Variants in EFEMP1 observed in about 807,000 individuals in gnomAD.
EFEMP1 encodes EGF-containing fibulin-like extracellular matrix protein 1.
EFEMP1 carries 18 observed loss-of-function variants against 65.7 expected under a neutral mutation model. The ratio of observed to expected loss-of-function variants is 0.27; its 90% CI spans 0.19 to 0.41. The LOEUF (loss-of-function observed/expected upper bound fraction) is 0.41, where lower values mean the gene tolerates loss of function less well. Ranked by LOEUF, EFEMP1 falls within the 10% of genes least tolerant of loss-of-function variation. EFEMP1 has a pLI of 1.00. For synonymous variants in EFEMP1, 237 were observed against 219.7 expected (o/e 1.08, Z -0.70); for missense variants, 469 against 624.8 (o/e 0.75, Z 2.66).
At chr2:55,887,171 T>C (rs968167373) in intron 5 of EFEMP1, among the ~76,000 whole-genome samples, 1 of 152,162 alleles carries the variant, frequency 6.6e-6, no homozygotes, top group African/African-American at 2.4e-5. Flanking sequence ...CACTGAAATG[T>C]AGACTCAGTT....
chr2:55,893,911 T>C (rs1669722607), intron 5 of EFEMP1, among the ~76,000 whole-genome samples: 1 of 152,252 alleles, frequency 6.6e-6, no homozygotes, highest in Non-Finnish European at 1.5e-5. Flanking sequence ...TCCTTTGGCA[T>C]ATTCCAGATG....
At chr2:55,884,622 G>C (rs1046723099) in intron 5 of EFEMP1, among the ~76,000 whole-genome samples, 8 of 152,212 alleles carry the variant, frequency 5.3e-5, no homozygotes, top group African/African-American at 1.9e-4. Flanking sequence ...TTGTATGGGA[G>C]AATATCTGCA....
At chr2:55,879,949 G>A (rs956153220) in intron 6 of EFEMP1, among the ~76,000 whole-genome samples, 1 of 152,084 alleles carries the variant, frequency 6.6e-6, no homozygotes. Flanking sequence ...ATTATATTTG[G>A]GTAAATCATA....
chr2:55,918,119 C>T, intron 4 of EFEMP1, 68 bp from the exon 5 acceptor site: 8 of 1,613,018 alleles, frequency 5.0e-6, no homozygotes, highest in Non-Finnish European at 6.8e-6. Context: ...AAATATAATG[C>T]TCATGCCTTT....
chr2:55,918,283 C>A lies in EFEMP1; in HGVS notation c.82-16G>T, dbSNP rs750643746. ...CAGTGCATTGCTGTGAAGAAAACAT[C>A]AAAGGTGGGGCCAGGAGACAGTTAA... On this transcript the variant is annotated splice_polypyrimidine_tract_variant and intron_variant, in intron 3 of 11. Transcript: ENST00000355426. 1 of 1,614,052 alleles carries A rather than the reference C, an allele frequency of 6.2e-7. No homozygotes were observed. Among genetic ancestry groups the A allele is most frequent in the Non-Finnish European group, 8.5e-7 (1 of 1,180,028 alleles).
chr2:55,914,474 A>G (rs72811713), intron 5 of EFEMP1, among the ~76,000 whole-genome samples: 1,994 of 152,302 alleles, frequency 0.013, 43 homozygotes, highest in African/African-American at 0.045. Context: ...TAAAGGATAT[A>G]TTTATAAAAT....
At position 55,875,333 on chromosome 2, in the gene EFEMP1, T is replaced by C. The variant is rs985650947; in HGVS notation, c.881-268A>G. On this transcript the variant is annotated intron_variant, in intron 8 of 11. Transcript: ENST00000355426. ...TTTCTTAAGTTGCCTGGGTTTCATA[T>C]ATACACACACACACACACACACACA... 1.1e-3 allele frequency among the ~76,000 whole-genome samples: 144 copies of C among 126,934 alleles called. 1 individual carries two copies. Among genetic ancestry groups the C allele is most frequent in the Admixed American group, 8.0e-3 (97 of 12,122 alleles). 83.3% of individuals were successfully genotyped at this position (126,934 alleles called of 152,430 possible).
At chr2:55,878,176 A>G (rs1310802561) in intron 6 of EFEMP1, among the ~76,000 whole-genome samples, 1 of 152,156 alleles carries the variant, frequency 6.6e-6, no homozygotes, top group African/African-American at 2.4e-5. Flanking sequence ...CTAAAAGCTT[A>G]TATATAATTA....
intron 5 of EFEMP1, among the ~76,000 whole-genome samples, chr2:55,916,848 T>A (rs757055079): frequency 6.6e-6 from 1 of 152,210 alleles, no homozygotes; most frequent in Non-Finnish European, 1.5e-5. Context: ...ATATCCTACA[T>A]GTCTTCAAAG....
At chr2:55,897,497 G>C (rs1338944448) in intron 5 of EFEMP1, among the ~76,000 whole-genome samples, 2 of 152,150 alleles carry the variant, frequency 1.3e-5, no homozygotes, top group African/African-American at 4.8e-5. Flanking sequence ...GTTTCAGAAT[G>C]GAAACTTAAA....
chr2:55,897,717 C>T (rs1354636621), intron 5 of EFEMP1, among the ~76,000 whole-genome samples: 1 of 152,310 alleles, frequency 6.6e-6, no homozygotes, highest in Admixed American at 6.5e-5. Context: ...TCCCAAACCT[C>T]TTTCTGTACC....
intron 5 of EFEMP1, among the ~76,000 whole-genome samples, chr2:55,894,667 T>C (rs1358902242): frequency 6.6e-6 from 1 of 152,226 alleles, no homozygotes; most frequent in East Asian, 1.9e-4. Flanking sequence ...ATTAGAAAAG[T>C]ATTCTTTTGG....
In EFEMP1 at chr2:55,886,200, G is replaced by A. The variant is rs1247997026; in HGVS notation, c.518-4466C>T. 6.6e-6 allele frequency among the ~76,000 whole-genome samples: 1 copy of A among 152,106 alleles called. No individual in the cohort carries two copies. Among genetic ancestry groups the A allele is most frequent in the Non-Finnish European group, 1.5e-5 (1 of 68,014 alleles). On this transcript the variant is annotated intron_variant, in intron 5 of 11. Coordinates refer to ENST00000355426, the MANE Select transcript of EFEMP1 (RefSeq NM_001039348.3). This position sits in a 1 kb window ranked among gnomAD's most constrained non-coding sequence, Gnocchi z 4.0. ...ACTCCCTGTGTGATCTAGGGTCATG[G>A]TATCAATTTTTTCTCTTTGTTTCTC... is the stretch of plus-strand genomic sequence containing the variant.
chr2:55,881,195 A>C (rs1669225685), intron 6 of EFEMP1, among the ~76,000 whole-genome samples: 1 of 152,178 alleles, frequency 6.6e-6, no homozygotes, highest in Non-Finnish European at 1.5e-5. Flanking sequence ...CAAGGTCTCA[A>C]AGCGAGCTGG....
In EFEMP1 at chr2:55,922,904, G is replaced by C; in HGVS notation, c.-13C>G. The C allele has an allele frequency of 9.1e-7, 1 of 1,102,294 alleles. No homozygotes were observed. The highest frequency in any genetic ancestry group is 2.6e-5 in the South Asian group (1 of 39,002). The allele number at this position is 1,102,294 out of a possible 1,614,324, so 68.3% of individuals were successfully genotyped here. On this transcript the variant is annotated 5_prime_UTR_variant, in exon 2 of 12. Transcript: ENST00000355426. The surrounding 1 kb of genome is among the most constrained non-coding windows in gnomAD (Gnocchi z 5.5). ...GGCTTTCCCAGTATACTCACCTTGA[G>C]CTAGCAGAGTTCCTTGCACAGCACA...
In EFEMP1 at chr2:55,923,077, C is replaced by T; in HGVS notation, c.-48-138G>A. 1.9e-6 allele frequency: 1 copy of T among 513,122 alleles called. No individual in the cohort carries two copies. The allele number at this position is 513,122 out of a possible 1,614,324, so 31.8% of individuals were successfully genotyped here. ...ACATGTCTCAGAGCTTCTCACATCCCCCAGCACAAACTCTCAAAGTGGCAT... is the reference window on the plus strand; with the variant it reads ...ACATGTCTCAGAGCTTCTCACATCCTCCAGCACAAACTCTCAAAGTGGCAT... On this transcript the variant is annotated intron_variant, in intron 1 of 11. Coordinates refer to ENST00000355426, the MANE Select transcript of EFEMP1 (RefSeq NM_001039348.3). The surrounding 1 kb of genome is among the most constrained non-coding windows in gnomAD (Gnocchi z 5.3).
At chr2:55,876,217 A>G (rs7589466) in intron 8 of EFEMP1, among the ~76,000 whole-genome samples, 26,520 of 151,944 alleles carry the variant, frequency 0.17, 2,811 homozygotes, top group South Asian at 0.31. Context: ...GCACTTGGCT[A>G]TTCTGAAACT....
At chr2:55,874,868 G>T in intron 9 of EFEMP1, 78 bp downstream of exon 9, 1 of 1,487,132 alleles carries the variant, frequency 6.7e-7, no homozygotes, top group South Asian at 1.2e-5. Context: ...AAAGTCTATA[G>T]GAGAATCCTA....
Position 55,885,257 on chromosome 2 carries a change from G to A in EFEMP1, c.518-3523C>T, listed in dbSNP as rs955230707. Among the ~76,000 whole-genome samples the A allele has an allele frequency of 3.0e-4, 45 of 152,208 alleles. No homozygotes were observed. Among genetic ancestry groups the A allele is most frequent in the African/African-American group, 1.1e-3 (44 of 41,452 alleles). On this transcript the variant is annotated intron_variant, in intron 5 of 11. Transcript: ENST00000355426. This position sits in a 1 kb window ranked among gnomAD's most constrained non-coding sequence, Gnocchi z 4.3. ...CAGAAAGCAGCTCACATTAGAAAATGCTGATAAGACAAAACTGGTTTCCAT... is the reference window on the plus strand; with the variant it reads ...CAGAAAGCAGCTCACATTAGAAAATACTGATAAGACAAAACTGGTTTCCAT...
Sources: gnomAD v4.1 joint callset for allele counts (sites outside exome capture counted in the v4.1 genomes callset) on GRCh38, gnomAD v4.1.1 for gene constraint, Gnocchi (gnomAD v3.1) non-coding constraint, MANE v1.5 for transcripts, NCBI Gene and HGNC (gene_info 2026-07-23, HGNC 2026-07-21) for gene names.